DNAH9: variants seen among roughly 807,000 people sequenced by gnomAD.
DNAH9 encodes the protein dynein axonemal heavy chain 9, also known as DNAH9 variant protein.
Under a neutral mutation model 471.6 loss-of-function variants are expected in DNAH9, and 345 were observed. That is an observed-to-expected ratio of 0.73 (90% CI 0.67 to 0.80). The LOEUF is 0.80. Ranked by LOEUF, DNAH9 falls within the 30% of genes least tolerant of loss-of-function variation. The pLI is 0.00. For synonymous variants in DNAH9, 2,093 were observed against 2,123.6 expected (o/e 0.99, Z 0.40); for missense variants, 5,407 against 5,609.2 (o/e 0.96, Z 1.15).
chr17:11,810,477 A>T, intron 45 of DNAH9, 108 bp downstream of exon 45: 1 of 1,429,406 alleles, frequency 7.0e-7, no homozygotes, highest in East Asian at 2.4e-5. Context: ...CATAGTAATG[A>T]GGAAGAAAAC....
At chr17:11,692,259 G>A (rs958625558) in intron 20 of DNAH9, among the ~76,000 whole-genome samples, 3 of 152,036 alleles carry the variant, frequency 2.0e-5, no homozygotes, top group African/African-American at 7.2e-5. Flanking sequence ...GTGTAAACTG[G>A]GACTAATACT....
intron 27 of DNAH9, among the ~76,000 whole-genome samples, chr17:11,721,559 T>C (rs1469166819): frequency 2.0e-5 from 3 of 152,168 alleles, no homozygotes; most frequent in Admixed American, 6.5e-5. Flanking sequence ...GTATTGCCTT[T>C]CCTCAGCATG....
At chr17:11,743,456 G>A (rs532645301) in intron 30 of DNAH9, among the ~76,000 whole-genome samples, 1 of 152,070 alleles carries the variant, frequency 6.6e-6, no homozygotes, top group African/African-American at 2.4e-5. Flanking sequence ...CCACTTGCTA[G>A]AGTGATTATT....
At chr17:11,746,456 G>T (rs1249435593) in intron 31 of DNAH9, among the ~76,000 whole-genome samples, 1 of 152,156 alleles carries the variant, frequency 6.6e-6, no homozygotes, top group East Asian at 1.9e-4. Flanking sequence ...GAAATGAAGT[G>T]TAAGATCAGA....
intron 28 of DNAH9, among the ~76,000 whole-genome samples, chr17:11,732,801 C>T (rs1181540513): frequency 6.6e-6 from 1 of 152,192 alleles, no homozygotes; most frequent in Non-Finnish European, 1.5e-5. Flanking sequence ...CCCTGTTCCC[C>T]TCCATGCCCT....
chr17:11,773,538 AT>A (rs1478457313), intron 38 of DNAH9, among the ~76,000 whole-genome samples: 1 of 151,982 alleles, frequency 6.6e-6, no homozygotes, highest in Admixed American at 6.6e-5. Flanking sequence ...CACTTATATG[AT>A]TTTTTAAAAT....
Position 11,969,551 on chromosome 17 carries a change from A to G in DNAH9, c.*24A>G. On this transcript the variant is annotated 3_prime_UTR_variant, in exon 69 of 69. Transcript: ENST00000262442. Reference sequence around the variant, plus strand: ...AGCATCCTGCAGAGCCACCGAGAAAATAAAAAAGCTGGGCTTGGAGGCTGC... The same window carrying G: ...AGCATCCTGCAGAGCCACCGAGAAAGTAAAAAAGCTGGGCTTGGAGGCTGC... The G allele has an allele frequency of 1.3e-6, 2 of 1,577,058 alleles. No homozygotes were observed. Among genetic ancestry groups the G allele is most frequent in the Non-Finnish European group, 1.7e-6 (2 of 1,166,398 alleles).
Position 11,774,849 on chromosome 17 carries a change from T to C in DNAH9, c.7552+5520T>C, listed in dbSNP as rs180846453. On this transcript the variant is annotated intron_variant, in intron 38 of 68. Transcript: ENST00000262442. ...TAATCTTTTTACATTTTTTCTTTTCTAAAAAAAACTATATTGAGTTATAAT... is the reference window on the plus strand; with the variant it reads ...TAATCTTTTTACATTTTTTCTTTTCCAAAAAAAACTATATTGAGTTATAAT... 1.3e-3 allele frequency among the ~76,000 whole-genome samples: 194 copies of C among 152,076 alleles called. 2 individuals are homozygous for C. The highest frequency in any genetic ancestry group is 4.5e-3 in the African/African-American group (186 of 41,482).
chr17:11,702,120 C>A lies in DNAH9; in HGVS notation c.5151+873C>A, dbSNP rs533650738. On this transcript the variant is annotated intron_variant, in intron 24 of 68. Coordinates refer to ENST00000262442, the MANE Select transcript of DNAH9 (RefSeq NM_001372.4). Reference sequence around the variant, plus strand: ...GGAGTTAGCAAGTTAAAAATGGGAGCAAAGAGCAACCAAGTAGGAGGAAGA... The same window carrying A: ...GGAGTTAGCAAGTTAAAAATGGGAGAAAAGAGCAACCAAGTAGGAGGAAGA... 5.3e-5 allele frequency among the ~76,000 whole-genome samples: 8 copies of A among 152,296 alleles called. No individual in the cohort carries two copies. The East Asian group carries it at 1.5e-3, about 29-fold the overall frequency.
intron 50 of DNAH9, among the ~76,000 whole-genome samples, chr17:11,859,843 G>A (rs1567854755): frequency 6.6e-6 from 1 of 151,982 alleles, no homozygotes; most frequent in Non-Finnish European, 1.5e-5. Flanking sequence ...TGAAAGACCC[G>A]CCCCCATGAT....
At chr17:11,818,381 A>T (rs1222759625) in intron 45 of DNAH9, among the ~76,000 whole-genome samples, 1 of 151,892 alleles carries the variant, frequency 6.6e-6, no homozygotes, top group Admixed American at 6.6e-5. Context: ...GTGAGCCAAG[A>T]TCATGCCACT....
intron 43 of DNAH9, among the ~76,000 whole-genome samples, chr17:11,805,388 C>T (rs1326568831): frequency 6.6e-6 from 1 of 152,034 alleles, no homozygotes; most frequent in African/African-American, 2.4e-5. Context: ...CCTTATGTTG[C>T]TCCACCCTAC....
At chr17:11,946,287 A>G (rs967074661) in intron 67 of DNAH9, among the ~76,000 whole-genome samples, 1 of 152,072 alleles carries the variant, frequency 6.6e-6, no homozygotes, top group Non-Finnish European at 1.5e-5. Flanking sequence ...CATCTTTAGA[A>G]ACAGATTTTG....
At chr17:11,843,044 C>G (rs1419077659) in intron 49 of DNAH9, among the ~76,000 whole-genome samples, 1 of 152,144 alleles carries the variant, frequency 6.6e-6, no homozygotes, top group East Asian at 1.9e-4. Flanking sequence ...ATTTCGCTAG[C>G]AGATGAAAAC....
Position 11,767,399 on chromosome 17 carries a change from C to G in DNAH9, c.7171-1054C>G, listed in dbSNP as rs116492433. ...ATCAGAATGAGAACATCAAACAAAT[C>G]TTTTCTTATCTTACCACCCATTTCC... On this transcript the variant is annotated intron_variant, in intron 36 of 68. Coordinates refer to ENST00000262442, the MANE Select transcript of DNAH9 (RefSeq NM_001372.4). Among the ~76,000 whole-genome samples the G allele has an allele frequency of 4.4e-3, 663 of 152,290 alleles. 3 individuals carry two copies. Among genetic ancestry groups the G allele is most frequent in the African/African-American group, 0.014 (582 of 41,558 alleles).
intron 1 of DNAH9, among the ~76,000 whole-genome samples, chr17:11,604,539 T>TA (rs961185240): frequency 5.9e-5 from 9 of 152,136 alleles, no homozygotes; most frequent in Non-Finnish European, 1.2e-4. Context: ...ATCTCTATCT[T>TA]AAAGTCCAAT....
In DNAH9 at chr17:11,610,384, T is replaced by C. The variant is rs1455933356; in HGVS notation, c.615-12T>C. On this transcript the variant is annotated splice_polypyrimidine_tract_variant and intron_variant, in intron 2 of 68. Transcript: ENST00000262442. ...TTTGTTGTTATCATTGTTGTTGTTT[T>C]GTCTTTCACAGCTTGGATTCTATAG... The C allele has an allele frequency of 6.2e-7, 1 of 1,608,926 alleles. No homozygotes were observed. Among genetic ancestry groups the C allele is most frequent in the African/African-American group, 1.3e-5 (1 of 74,874 alleles).
chr17:11,801,062 C>T (rs58202731), intron 43 of DNAH9, among the ~76,000 whole-genome samples: 23,957 of 152,110 alleles, frequency 0.16, 1,955 homozygotes, highest in African/African-American at 0.16. Context: ...GTGCATAGTG[C>T]TTTGCATATA....
chr17:11,706,972 A>G (rs2074713512), intron 26 of DNAH9, among the ~76,000 whole-genome samples: 1 of 152,198 alleles, frequency 6.6e-6, no homozygotes, highest in Non-Finnish European at 1.5e-5. Flanking sequence ...TCCAGTAAGT[A>G]GTGATAAACT....
Sources: gnomAD v4.1 joint callset for allele counts (sites outside exome capture counted in the v4.1 genomes callset) on GRCh38, gnomAD v4.1.1 for gene constraint, MANE v1.5 for transcripts, NCBI Gene and HGNC (gene_info 2026-07-23, HGNC 2026-07-21) for gene names.